Variants in NFASC observed in about 807,000 individuals in gnomAD.
NFASC encodes the protein neurofascin, also known as neurofascin homolog.
NFASC carries 43 observed loss-of-function variants against 147.5 expected under a neutral mutation model. The observed-to-expected ratio is 0.29, with a 90% confidence interval of 0.23 to 0.38. The LOEUF is 0.38. Ranked by LOEUF, NFASC falls within the 10% of genes least tolerant of loss-of-function variation. The probability of loss-of-function intolerance (pLI) is 1.00; values close to 1 mark genes in which losing one functional copy is unlikely to be tolerated. For synonymous variants in NFASC, 622 were observed against 665.5 expected (o/e 0.93, Z 1.01); for missense variants, 1,320 against 1,689.0 (o/e 0.78, Z 3.83).
chr1:204,941,526 A>G (rs2093360627), intron 2 of NFASC, among the ~76,000 whole-genome samples: 1 of 152,122 alleles, frequency 6.6e-6, no homozygotes, highest in African/African-American at 2.4e-5. Flanking sequence ...TAAACCAAAC[A>G]TGGTGGTCGT....
Position 204,957,809 on chromosome 1 carries a change from C to G in NFASC, c.689C>G (p.Thr230Ser). ...THTIQQKNPF[T>S]LKVLTTRGVA... ...ACCATCCAGCAGAAGAACCCTTTCA[C>G]CCTCAAGGTCCTCACCAGTAAGTGA... Residue 230 changes from threonine (T) to serine (S), a missense_variant, in exon 8 of 30, where the codon ACC becomes AGC. Physicochemically the swap from Thr to Ser is moderately conservative, Grantham distance 58. Transcript: ENST00000339876. The G allele has an allele frequency of 6.2e-7, 1 of 1,614,200 alleles. No homozygotes were observed. The highest frequency in any genetic ancestry group is 8.5e-7 in the Non-Finnish European group (1 of 1,180,032).
At chr1:204,985,884 C>T (rs2095606140) in intron 21 of NFASC, 1 of 1,565,820 alleles carries the variant, frequency 6.4e-7, no homozygotes, top group Non-Finnish European at 8.8e-7. Context: ...TGCCTGACCC[C>T]TCACCAGCCT....
At chr1:205,012,892 C>G (rs762492158) in intron 29 of NFASC, 26 bp downstream of exon 29, 4 of 1,570,178 alleles carry the variant, frequency 2.5e-6, no homozygotes, top group South Asian at 1.1e-5. Context: ...CCTCCTCTCT[C>G]AGGCAGGCTG....
chr1:204,901,014 G>T lies in NFASC; in HGVS notation c.-199-19618G>T, dbSNP rs530829351. Among the ~76,000 whole-genome samples, 3 of 152,232 alleles carry T rather than the reference G, an allele frequency of 2.0e-5. No individual in the cohort carries two copies. The East Asian group carries it at 5.8e-4, about 29-fold the overall frequency. ...AAAGATGAAGGCACTAGGATTTGCT[G>T]ATGGCTTGGGTGTAAGGTGAGAGAG... On this transcript the variant is annotated intron_variant, in intron 1 of 29. Coordinates refer to ENST00000339876, the MANE Select transcript of NFASC (RefSeq NM_001005388.3).
Position 204,954,508 on chromosome 1 carries a change from T to C in NFASC, c.412+124T>C. The C allele has an allele frequency of 1.2e-6, 1 of 844,286 alleles. No individual in the cohort carries two copies. The highest frequency in any genetic ancestry group is 1.8e-6 in the Non-Finnish European group (1 of 549,684). 52.3% of individuals were successfully genotyped at this position (844,286 alleles called of 1,614,324 possible). A position where few individuals can be genotyped will look rare whatever the true frequency, so the allele number is the denominator to read the frequency against. On this transcript the variant is annotated intron_variant, in intron 6 of 29. Coordinates refer to ENST00000339876, the MANE Select transcript of NFASC (RefSeq NM_001005388.3). This position sits in a 1 kb window ranked among gnomAD's most constrained non-coding sequence, Gnocchi z 5.7. The stretch of plus-strand genomic sequence containing the variant: ...CCTGCAGTTGCCTTGGTGTTCTCTA[T>C]GCATCTTCCCCACCTCAGAATGATT...
intron 10 of NFASC, among the ~76,000 whole-genome samples, chr1:204,969,209 A>G (rs2095114284): frequency 6.6e-6 from 1 of 152,140 alleles, no homozygotes; most frequent in African/African-American, 2.4e-5. Context: ...CCTGGCCATC[A>G]TCCAACTCTC....
intron 1 of NFASC, among the ~76,000 whole-genome samples, chr1:204,919,984 G>C (rs2090121697): frequency 6.6e-6 from 1 of 152,148 alleles, no homozygotes; most frequent in African/African-American, 2.4e-5. Context: ...TACCAAGAAA[G>C]GTTATATGAT....
At position 205,012,891 on chromosome 1, in the gene NFASC, T is replaced by C. The variant is rs775167214; in HGVS notation, c.3491+25T>C. ...GGTGCGTGATCTCCCTCCTCCTCTC[T>C]CAGGCAGGCTGTCCTCCCTGTCCCT... On this transcript the variant is annotated intron_variant, in intron 29 of 29. Transcript: ENST00000339876. 4 of 1,570,028 alleles carry C rather than the reference T, an allele frequency of 2.5e-6. No homozygotes were observed. In the African/African-American group the frequency reaches 5.4e-5, roughly 21 times the overall value.
At chr1:204,871,903 TAC>T (rs2077775607) in intron 1 of NFASC, among the ~76,000 whole-genome samples, 3 of 152,206 alleles carry the variant, frequency 2.0e-5, no homozygotes, top group Admixed American at 6.5e-5. Context: ...CAGCTCTGTC[TAC>T]AGAGATGTGT....
chr1:204,969,778 C>G (rs886247673), intron 10 of NFASC, among the ~76,000 whole-genome samples: 7 of 152,126 alleles, frequency 4.6e-5, no homozygotes, highest in Non-Finnish European at 7.4e-5. Flanking sequence ...AACAAGGTGG[C>G]CAGCTGAGAA....
chr1:204,843,700 C>T (rs1267355357), intron 1 of NFASC, among the ~76,000 whole-genome samples: 1 of 140,534 alleles, frequency 7.1e-6, no homozygotes, highest in African/African-American at 2.6e-5. Flanking sequence ...CCCTTTCTCT[C>T]TTTCTCTCTC....
intron 1 of NFASC, among the ~76,000 whole-genome samples, chr1:204,877,259 G>C (rs1450138812): frequency 6.6e-6 from 1 of 151,404 alleles, no homozygotes; most frequent in Non-Finnish European, 1.5e-5. Context: ...CTTTGGAATG[G>C]AGACTTAACA....
intron 1 of NFASC, among the ~76,000 whole-genome samples, chr1:204,866,787 C>G (rs1415791489): frequency 1.3e-5 from 2 of 152,214 alleles, no homozygotes; most frequent in African/African-American, 4.8e-5. Flanking sequence ...AATATCTGCA[C>G]ATATCATTAC....
chr1:204,868,422 C>A (rs1430339290), intron 1 of NFASC, among the ~76,000 whole-genome samples: 2 of 152,170 alleles, frequency 1.3e-5, no homozygotes, highest in Non-Finnish European at 2.9e-5. Context: ...CTGGCGCTCT[C>A]CCCCAGGCAG....
intron 12 of NFASC, 74 bp from the exon 13 acceptor site, chr1:204,974,105 A>C: frequency 8.3e-7 from 1 of 1,200,772 alleles, no homozygotes; most frequent in African/African-American, 1.5e-5. Flanking sequence ...GAAGGCATGC[A>C]GAGGTGAGAC....
chr1:204,837,287 G>T lies in NFASC; in HGVS notation c.-200+8505G>T, dbSNP rs571617940. Among the ~76,000 whole-genome samples the T allele has an allele frequency of 1.7e-3, 257 of 152,342 alleles. 1 individual carries two copies. Among genetic ancestry groups the T allele is most frequent in the Non-Finnish European group, 2.5e-3 (172 of 68,040 alleles). On this transcript the variant is annotated intron_variant, in intron 1 of 29. Transcript: ENST00000339876. ...TGGCTTGGGCCTCTAGAGATGGGTA[G>T]GACCTGAACAGTCAAAGATAAGAAA...
At chr1:204,940,546 G>C (rs1316946200) in intron 2 of NFASC, among the ~76,000 whole-genome samples, 1 of 152,202 alleles carries the variant, frequency 6.6e-6, no homozygotes, top group Non-Finnish European at 1.5e-5. Context: ...CAAAACATTT[G>C]CATCTCAAAA....
At chr1:204,930,332 G>T (rs948633119) in intron 2 of NFASC, among the ~76,000 whole-genome samples, 5 of 152,178 alleles carry the variant, frequency 3.3e-5, no homozygotes, top group Admixed American at 1.3e-4. Context: ...GGGACAGGAT[G>T]CTGGTTAGAT....
chr1:204,979,331 C>T lies in NFASC; in HGVS notation c.1979-31C>T, dbSNP rs189477404. The stretch of plus-strand genomic sequence containing the variant: ...AGAAGACCACTGCTAACTGAGCTCC[C>T]GAAACAGCTCTGTTTTCCTTGCCCA... On this transcript the variant is annotated intron_variant, in intron 18 of 29. Coordinates refer to ENST00000339876, the MANE Select transcript of NFASC (RefSeq NM_001005388.3). This position sits in a 1 kb window ranked among gnomAD's most constrained non-coding sequence, Gnocchi z 6.0. The T allele has an allele frequency of 2.7e-5, 42 of 1,583,314 alleles. No individual in the cohort carries two copies. The East Asian group carries it at 4.3e-4, about 16-fold the overall frequency.
Sources: gnomAD v4.1 joint callset for allele counts (sites outside exome capture counted in the v4.1 genomes callset) on GRCh38, gnomAD v4.1.1 for gene constraint, Gnocchi (gnomAD v3.1) non-coding constraint, MANE v1.5 for transcripts, NCBI Gene and HGNC (gene_info 2026-07-23, HGNC 2026-07-21) for gene names.